The following PSD3 variants were observed in gnomAD, a reference collection of about 807,000 sequenced individuals.
The protein encoded by PSD3 is PH and SEC7 domain-containing protein 3.
In PSD3, 49 loss-of-function variants were observed where a neutral mutation model predicts 105.5. The ratio of observed to expected loss-of-function variants is 0.46; its 90% CI spans 0.37 to 0.59. PSD3 has a LOEUF of 0.59. Ranked by LOEUF, PSD3 falls within the 20% of genes least tolerant of loss-of-function variation. PSD3 has a pLI of 0.00. For missense variants in PSD3, 1,561 were observed against 1,263.8 expected (o/e 1.24, Z -3.57); for synonymous variants, 557 against 457.8 (o/e 1.22, Z -2.77).
intron 1 of PSD3, among the ~76,000 whole-genome samples, chr8:18,938,238 G>T (rs1822284998): frequency 6.6e-6 from 1 of 152,182 alleles, no homozygotes. Flanking sequence ...ACGAGAACAG[G>T]GAAGTTTGGA....
intron 10 of PSD3, among the ~76,000 whole-genome samples, chr8:18,634,903 G>A (rs1020498106): frequency 6.6e-6 from 1 of 152,108 alleles, no homozygotes; most frequent in African/African-American, 2.4e-5. Context: ...TTTTTGGGGA[G>A]ATATCTTGTA....
chr8:18,993,631 T>C (rs557563346), intron 1 of PSD3, among the ~76,000 whole-genome samples: 1 of 152,108 alleles, frequency 6.6e-6, no homozygotes, highest in South Asian at 2.1e-4. Context: ...CCCAATTCAG[T>C]TGTATGCTTT....
At chr8:18,571,359 C>T (rs919477913) in intron 14 of PSD3, among the ~76,000 whole-genome samples, 1 of 125,414 alleles carries the variant, frequency 8.0e-6, no homozygotes, top group Non-Finnish European at 1.7e-5. Flanking sequence ...TCTAGGCCTT[C>T]GTTCCTCTGA....
At chr8:18,737,878 T>G (rs1253281255) in intron 9 of PSD3, among the ~76,000 whole-genome samples, 1 of 152,176 alleles carries the variant, frequency 6.6e-6, no homozygotes, top group African/African-American at 2.4e-5. Flanking sequence ...TTTCCTATTG[T>G]TTTTGCAAGT....
chr8:18,881,849 C>T (rs1818125923), intron 2 of PSD3, among the ~76,000 whole-genome samples: 1 of 152,146 alleles, frequency 6.6e-6, no homozygotes, highest in East Asian at 1.9e-4. Context: ...TTTTACCTAG[C>T]AAAATGGGTA....
upstream of PSD3, among the ~76,000 whole-genome samples, chr8:19,015,912 T>C (rs4921982): frequency 0.29 from 44,720 of 152,168 alleles, 8,130 homozygotes; most frequent in Admixed American, 0.46. Context: ...TTTAAGATTG[T>C]ACTTATAAAG....
intron 9 of PSD3, among the ~76,000 whole-genome samples, chr8:18,753,462 T>A (rs1805769410): frequency 6.6e-6 from 1 of 152,134 alleles, no homozygotes; most frequent in African/African-American, 2.4e-5. Context: ...AGAAAATACT[T>A]CCTTGCAAGA....
chr8:19,063,700 G>A (rs1343574533), intron 1 of PSD3, among the ~76,000 whole-genome samples: 1 of 152,330 alleles, frequency 6.6e-6, no homozygotes, highest in South Asian at 2.1e-4. Flanking sequence ...TAGAAGTGTG[G>A]TAGTGCGTCA....
At chr8:18,582,981 C>T (rs1419136100) in intron 12 of PSD3, among the ~76,000 whole-genome samples, 1 of 151,966 alleles carries the variant, frequency 6.6e-6, no homozygotes, top group African/African-American at 2.4e-5. Flanking sequence ...GCACGTGCCA[C>T]CACGCCTGGC....
chr8:18,950,068 G>A (rs1191310697), intron 1 of PSD3, among the ~76,000 whole-genome samples: 1 of 151,976 alleles, frequency 6.6e-6, no homozygotes, highest in African/African-American at 2.4e-5. Flanking sequence ...CAGTCAATAG[G>A]TGCCCAATAG....
chr8:18,866,396 G>A (rs1386556902), intron 4 of PSD3, among the ~76,000 whole-genome samples: 1 of 152,162 alleles, frequency 6.6e-6, no homozygotes, highest in Non-Finnish European at 1.5e-5. Flanking sequence ...GCTCTGCTTT[G>A]TACCATGTCC....
chr8:19,039,591 G>C (rs1828056169), intron 1 of PSD3, among the ~76,000 whole-genome samples: 2 of 152,158 alleles, frequency 1.3e-5, no homozygotes, highest in African/African-American at 2.4e-5. Context: ...GGCTAAGGGA[G>C]TCTACTGGAC....
chr8:18,566,442 C>T (rs1801755653), intron 14 of PSD3, among the ~76,000 whole-genome samples: 1 of 150,354 alleles, frequency 6.7e-6, no homozygotes. Context: ...AGGAGAATGG[C>T]ATGAACCCGG....
At chr8:18,549,952 A>C (rs961407422) in intron 15 of PSD3, among the ~76,000 whole-genome samples, 1 of 152,222 alleles carries the variant, frequency 6.6e-6, no homozygotes, top group African/African-American at 2.4e-5. Flanking sequence ...TGACGAGGAA[A>C]CTGAGGTTCA....
intron 9 of PSD3, among the ~76,000 whole-genome samples, chr8:18,681,386 T>C (rs1016053450): frequency 1.4e-5 from 2 of 146,094 alleles, no homozygotes; most frequent in Admixed American, 1.4e-4. Flanking sequence ...GTGGAAGGAC[T>C]GCTTGAGCCC....
At chr8:18,630,357 T>C (rs1462638360) in intron 11 of PSD3, among the ~76,000 whole-genome samples, 3 of 151,970 alleles carry the variant, frequency 2.0e-5, no homozygotes, top group African/African-American at 4.8e-5. Flanking sequence ...TCTGTATCTA[T>C]ATTCATATGT....
At chr8:18,865,303 T>G (rs901529649) in intron 4 of PSD3, 4 of 117,342 alleles carry the variant, frequency 3.4e-5, no homozygotes, top group African/African-American at 1.3e-4. Flanking sequence ...TTTTTTTTTT[T>G]TTTTTTAAAG....
chr8:18,913,094 C>A lies in PSD3; in HGVS notation c.130+22940G>T, dbSNP rs866406063. Among the ~76,000 whole-genome samples, 553 of 136,374 alleles carry A rather than the reference C, an allele frequency of 4.1e-3. 5 individuals are homozygous for A. Among genetic ancestry groups the A allele is most frequent in the African/African-American group, 0.013 (528 of 39,680 alleles). The allele number at this position is 136,374 out of a possible 152,430, so 89.5% of individuals were successfully genotyped here. A position where few individuals can be genotyped will look rare whatever the true frequency, so the allele number is the denominator to read the frequency against. On this transcript the variant is annotated intron_variant, in intron 2 of 15. Transcript: ENST00000327040. The stretch of plus-strand genomic sequence containing the variant: ...ACACACACACACACACAAACACACA[C>A]ACACACACACACACACACACACACA...
In PSD3 at chr8:18,532,788, A is replaced by T. The variant is rs540983490; in HGVS notation, c.*2955T>A. ...GTAAAAGCCAGCATGCGAGGTGGGG[A>T]CAAACCCCTAAAATTCAGATTTTAT... On this transcript the variant is annotated 3_prime_UTR_variant, in exon 16 of 16. Transcript: ENST00000327040. The T allele has an allele frequency of 6.6e-6, 1 of 152,182 alleles. No individual in the cohort carries two copies. Among genetic ancestry groups the T allele is most frequent in the Non-Finnish European group, 1.5e-5 (1 of 68,046 alleles). The allele number at this position is 152,182 out of a possible 1,614,324, so 9.4% of individuals were successfully genotyped here. A position where few individuals can be genotyped will look rare whatever the true frequency, so the allele number is the denominator to read the frequency against.
Sources: gnomAD v4.1 joint callset for allele counts (sites outside exome capture counted in the v4.1 genomes callset) on GRCh38, gnomAD v4.1.1 for gene constraint, MANE v1.5 for transcripts, NCBI Gene and HGNC (gene_info 2026-07-23, HGNC 2026-07-21) for gene names.